ST6GALNAC3: variants seen among roughly 807,000 people sequenced by gnomAD.
The protein encoded by ST6GALNAC3 is ST6 N-acetylgalactosaminide alpha-2,6-sialyltransferase 3.
ST6GALNAC3 carries 25 observed loss-of-function variants against 32.7 expected under a neutral mutation model. The observed-to-expected ratio is 0.76, with a 90% CI of 0.56 to 1.07. ST6GALNAC3 has a LOEUF of 1.07. Among genes scored for constraint, ST6GALNAC3 ranks in the 50% least tolerant of loss-of-function variants. The pLI, the probability that ST6GALNAC3 is intolerant of heterozygous loss-of-function variation, is 0.00. For synonymous variants in ST6GALNAC3, 129 were observed against 133.1 expected (o/e 0.97, Z 0.21); for missense variants, 355 against 382.4 (o/e 0.93, Z 0.60).
chr1:76,143,392 C>CGTGTGTGTGT (rs4034974), intron 1 of ST6GALNAC3, among the ~76,000 whole-genome samples: 55,112 of 141,984 alleles, frequency 0.39, 12,400 homozygotes, highest in East Asian at 0.68. Context: ...CTTACCAAGT[C>CGTGTGTGTGT]GTGTGTGTGT....
intron 4 of ST6GALNAC3, among the ~76,000 whole-genome samples, chr1:76,627,812 G>A (rs922512777): frequency 6.6e-6 from 1 of 151,848 alleles, no homozygotes; most frequent in Non-Finnish European, 1.5e-5. Flanking sequence ...GGCATAGCAG[G>A]GACTTTTGGC....
chr1:76,276,543 G>A (rs1379605135), intron 1 of ST6GALNAC3, among the ~76,000 whole-genome samples: 1 of 152,032 alleles, frequency 6.6e-6, no homozygotes, highest in Non-Finnish European at 1.5e-5. Flanking sequence ...GTGTGATTAA[G>A]CCACAGTTTA....
intron 1 of ST6GALNAC3, among the ~76,000 whole-genome samples, chr1:76,083,779 T>C (rs1646929974): frequency 6.6e-6 from 1 of 152,230 alleles, no homozygotes; most frequent in Admixed American, 6.5e-5. Flanking sequence ...TATCTTTTTT[T>C]TTACAAACAG....
At chr1:76,184,534 C>T (rs527921033) in intron 1 of ST6GALNAC3, among the ~76,000 whole-genome samples, 1 of 149,664 alleles carries the variant, frequency 6.7e-6, no homozygotes, top group Admixed American at 6.6e-5. Flanking sequence ...CACACACACA[C>T]ACACACACAC....
chr1:76,549,279 T>C (rs1664478962), intron 3 of ST6GALNAC3, among the ~76,000 whole-genome samples: 1 of 152,140 alleles, frequency 6.6e-6, no homozygotes, highest in Non-Finnish European at 1.5e-5. Context: ...CCGTGTCCCT[T>C]CCCTGTCCGT....
intron 1 of ST6GALNAC3, among the ~76,000 whole-genome samples, chr1:76,200,638 G>T (rs1654464429): frequency 2.0e-5 from 3 of 152,150 alleles, no homozygotes; most frequent in African/African-American, 7.2e-5. Flanking sequence ...GGTTTTGGTT[G>T]AGCTGGTCTT....
At chr1:76,601,840 G>A (rs769163439) in intron 3 of ST6GALNAC3, among the ~76,000 whole-genome samples, 1 of 152,198 alleles carries the variant, frequency 6.6e-6, no homozygotes, top group Non-Finnish European at 1.5e-5. Flanking sequence ...AACATGACCA[G>A]TTGAGAGCAA....
chr1:76,143,824 CTT>C (rs1650499554), intron 1 of ST6GALNAC3, among the ~76,000 whole-genome samples: 1 of 152,092 alleles, frequency 6.6e-6, no homozygotes, highest in African/African-American at 2.4e-5. Flanking sequence ...GGGGCTGCGG[CTT>C]ATTGAGGCCT....
At chr1:76,275,296 T>C (rs760599491) in intron 1 of ST6GALNAC3, among the ~76,000 whole-genome samples, 7 of 152,312 alleles carry the variant, frequency 4.6e-5, no homozygotes, top group Non-Finnish European at 7.4e-5. Context: ...AAATTCTTCA[T>C]TGGGCACTTT....
intron 3 of ST6GALNAC3, among the ~76,000 whole-genome samples, chr1:76,505,080 G>A (rs894014849): frequency 6.6e-6 from 1 of 151,522 alleles, no homozygotes; most frequent in Non-Finnish European, 1.5e-5. Context: ...GTACCTAGTA[G>A]AAGCATTATT....
intron 3 of ST6GALNAC3, among the ~76,000 whole-genome samples, chr1:76,520,414 T>C (rs919682651): frequency 3.3e-5 from 5 of 152,058 alleles, no homozygotes; most frequent in Non-Finnish European, 5.9e-5. Flanking sequence ...GAAGCAAACA[T>C]TGAGGTCAGC....
At chr1:76,503,213 C>T (rs1323159630) in intron 3 of ST6GALNAC3, among the ~76,000 whole-genome samples, 1 of 152,178 alleles carries the variant, frequency 6.6e-6, no homozygotes, top group Non-Finnish European at 1.5e-5. Context: ...ATGGCAACAC[C>T]TCTCTCAGAG....
intron 1 of ST6GALNAC3, among the ~76,000 whole-genome samples, chr1:76,199,177 T>C (rs1352251882): frequency 2.0e-5 from 3 of 152,206 alleles, no homozygotes; most frequent in African/African-American, 7.2e-5. Flanking sequence ...CTCCAAGACA[T>C]AGAAGGTTAT....
At chr1:76,511,659 A>G (rs556293727) in intron 3 of ST6GALNAC3, among the ~76,000 whole-genome samples, 3 of 152,322 alleles carry the variant, frequency 2.0e-5, no homozygotes, top group African/African-American at 7.2e-5. Context: ...AATTCAGCTA[A>G]ACTGAGCAGG....
At chr1:76,410,764 T>A (rs1654177924) in intron 2 of ST6GALNAC3, among the ~76,000 whole-genome samples, 1 of 152,136 alleles carries the variant, frequency 6.6e-6, no homozygotes, top group Non-Finnish European at 1.5e-5. Flanking sequence ...ATCTTACCTC[T>A]CAGTGTAGTT....
At chr1:76,307,843 G>A (rs1424717715) in intron 1 of ST6GALNAC3, 2 of 508,452 alleles carry the variant, frequency 3.9e-6, no homozygotes, top group Non-Finnish European at 7.9e-6. Context: ...TTGCACTTGT[G>A]TTCTCTCCCA....
chr1:76,525,757 A>G (rs1298895676), intron 3 of ST6GALNAC3, among the ~76,000 whole-genome samples: 3,224 of 131,096 alleles, frequency 0.025, 205 homozygotes, highest in South Asian at 0.049. Context: ...ATGTGTATAT[A>G]TGTGTATGTG....
At chr1:76,225,456 A>G (rs1317191040) in intron 1 of ST6GALNAC3, among the ~76,000 whole-genome samples, 1 of 152,142 alleles carries the variant, frequency 6.6e-6, no homozygotes, top group Non-Finnish European at 1.5e-5. Context: ...TGAGAAACAG[A>G]GCTGTGAGGG....
At chr1:76,175,562 C>T (rs1200349629) in intron 1 of ST6GALNAC3, among the ~76,000 whole-genome samples, 2 of 148,678 alleles carry the variant, frequency 1.3e-5, no homozygotes, top group East Asian at 3.9e-4. Flanking sequence ...TGATGGGGAA[C>T]TTGGTTGAAA....
Sources: gnomAD v4.1 joint callset for allele counts (sites outside exome capture counted in the v4.1 genomes callset) on GRCh38, gnomAD v4.1.1 for gene constraint, MANE v1.5 for transcripts, NCBI Gene and HGNC (gene_info 2026-07-23, HGNC 2026-07-21) for gene names.